Variants in DRG1 observed in about 807,000 individuals in gnomAD.
The protein encoded by DRG1 is developmentally regulated GTP binding protein 1, also known as developmentally-regulated GTP-binding protein 1.
A neutral mutation model predicts 38.8 loss-of-function variants in DRG1; 19 were observed. The observed-to-expected ratio is 0.49, with a 90% CI of 0.34 to 0.72. DRG1 has a LOEUF of 0.72. Among genes scored for constraint, DRG1 ranks in the 30% least tolerant of loss-of-function variants. The probability of loss-of-function intolerance (pLI) is 0.01; values close to 1 mark genes in which losing one functional copy is unlikely to be tolerated. For missense variants in DRG1, 299 were observed against 444.8 expected, an observed-to-expected ratio of 0.67 and a Z score of 2.95; for synonymous variants, 167 against 157.5, an observed-to-expected ratio of 1.06 and a Z score of -0.45.
intron 8 of DRG1, among the ~76,000 whole-genome samples, chr22:31,429,708 A>G (rs2050129354): frequency 1.3e-5 from 2 of 151,438 alleles, no homozygotes; most frequent in South Asian, 4.2e-4. Context: ...GTGCAGTGGC[A>G]CGATCACAGC....
chr22:31,431,025 C>G (rs867375459), intron 8 of DRG1, among the ~76,000 whole-genome samples: 24 of 119,104 alleles, frequency 2.0e-4, no homozygotes, highest in East Asian at 7.9e-4. Context: ...GCCTTCCCCC[C>G]CCCCCCCCGC....
chr22:31,420,756 G>C (rs13053245), intron 5 of DRG1, among the ~76,000 whole-genome samples: 69,533 of 151,772 alleles, frequency 0.46, 16,709 homozygotes, highest in Middle Eastern at 0.57. Context: ...TGCCTACCAC[G>C]GGCCAAGCAT....
intron 6 of DRG1, 118 bp downstream of exon 6, chr22:31,423,528 T>A: frequency 1.9e-6 from 2 of 1,048,316 alleles, no homozygotes; most frequent in Non-Finnish European, 1.3e-6. Context: ...ACTGTCTTTT[T>A]TTTTTTTTTT....
chr22:31,402,979 A>T lies in DRG1; in HGVS notation c.167-50A>T, dbSNP rs538984060. The T allele has an allele frequency of 6.5e-5, 102 of 1,567,818 alleles. No individual in the cohort carries two copies. The South Asian group carries it at 1.2e-3, about 18-fold the overall frequency. On this transcript the variant is annotated intron_variant, in intron 2 of 8. Coordinates refer to ENST00000331457, the MANE Select transcript of DRG1 (RefSeq NM_004147.4). ...ATGTGAAAGAAGTTATATGAGTCTT[A>T]ACACTCTGGGGGATAACTCTCCTCT... is the stretch of plus-strand genomic sequence containing the variant.
At chr22:31,430,635 G>A (rs1383635253) in intron 8 of DRG1, among the ~76,000 whole-genome samples, 2 of 151,964 alleles carry the variant, frequency 1.3e-5, no homozygotes, top group South Asian at 2.1e-4. Flanking sequence ...TCCTGACCTC[G>A]TGATCCGCCC....
Position 31,399,631 on chromosome 22 carries a change from G to C in DRG1, c.-53G>C. ...TAGCGCCTGGTGGCGGTGGCAGTTT[G>C]CCCGCGGGTGTGTGAAGGGAGACAG... is the stretch of plus-strand genomic sequence containing the variant. On this transcript the variant is annotated 5_prime_UTR_variant, in exon 1 of 9. Transcript: ENST00000331457. 1 of 1,613,644 alleles carries C rather than the reference G, an allele frequency of 6.2e-7. No homozygotes were observed. The highest frequency in any genetic ancestry group is 8.5e-7 in the Non-Finnish European group (1 of 1,179,558).
chr22:31,407,240 T>TA (rs376175446), intron 3 of DRG1, among the ~76,000 whole-genome samples: 1 of 152,264 alleles, frequency 6.6e-6, no homozygotes, highest in Non-Finnish European at 1.5e-5. Flanking sequence ...TTAGGGGAGA[T>TA]ACTTCAAGAA....
chr22:31,426,290 G>C (rs946271331), intron 6 of DRG1, among the ~76,000 whole-genome samples: 1 of 152,116 alleles, frequency 6.6e-6, no homozygotes, highest in Non-Finnish European at 1.5e-5. Context: ...ATCTGCAGTT[G>C]GTTGAATTCA....
At chr22:31,404,530 G>A (rs1178248087) in intron 3 of DRG1, among the ~76,000 whole-genome samples, 5 of 151,878 alleles carry the variant, frequency 3.3e-5, no homozygotes, top group Admixed American at 2.0e-4. Flanking sequence ...GTGAGCCACC[G>A]CGCCTGGTCT....
In DRG1 at chr22:31,420,308, G is replaced by A. The variant is rs1232952115; in HGVS notation, c.465G>A (p.Leu155=). Residue 155 remains leucine, a synonymous_variant, in exon 5 of 9, where the codon TTG becomes TTA. Transcript: ENST00000331457. ...TTGTTCTGGATGTCCTGAAACCTTT[G>A]GGACATAAGAAGATAATTGAAAATG... ...ILIVLDVLKP[L]GHKKIIENEL... is the part of the protein sequence containing the mutation. 2 of 1,613,912 alleles carry A rather than the reference G, an allele frequency of 1.2e-6. No individual in the cohort carries two copies. The highest frequency in any genetic ancestry group is 1.7e-5 in the Admixed American group (1 of 59,968).
chr22:31,430,262 A>G (rs1437384000), intron 8 of DRG1, among the ~76,000 whole-genome samples: 1 of 152,166 alleles, frequency 6.6e-6, no homozygotes, highest in Non-Finnish European at 1.5e-5. Flanking sequence ...ATGGATACTA[A>G]TGATGCTTAT....
At chr22:31,411,530 CTTTT>C (rs71319191) in intron 4 of DRG1, among the ~76,000 whole-genome samples, 5 of 129,786 alleles carry the variant, frequency 3.9e-5, no homozygotes, top group African/African-American at 2.8e-5. Context: ...TCTGTCTTTT[CTTTT>C]TTTTTTTTTT....
intron 3 of DRG1, among the ~76,000 whole-genome samples, chr22:31,406,027 C>G (rs528070573): frequency 7.4e-6 from 1 of 136,028 alleles, no homozygotes; most frequent in Non-Finnish European, 1.5e-5. Context: ...TTTTTTGAGA[C>G]GAAGTCTCAT....
chr22:31,400,542 G>A, intron 1 of DRG1, 78 bp from the exon 2 acceptor site: 4 of 1,571,866 alleles, frequency 2.5e-6, no homozygotes, highest in South Asian at 2.2e-5. Context: ...AGTAGGACTT[G>A]GGGAAAAAAA....
At chr22:31,415,828 C>T (rs764783928) in intron 4 of DRG1, among the ~76,000 whole-genome samples, 5 of 152,100 alleles carry the variant, frequency 3.3e-5, no homozygotes, top group Non-Finnish European at 4.4e-5. Flanking sequence ...TTAATTTTCT[C>T]TGTATAATGG....
intron 1 of DRG1, 97 bp downstream of exon 1, chr22:31,399,822 G>A (rs1298471332): frequency 4.4e-6 from 7 of 1,578,204 alleles, no homozygotes; most frequent in Non-Finnish European, 6.1e-6. Context: ...TCAGGACCGG[G>A]CCTAGATTCC....
At chr22:31,425,758 CT>C (rs1453681632) in intron 6 of DRG1, among the ~76,000 whole-genome samples, 2 of 151,914 alleles carry the variant, frequency 1.3e-5, no homozygotes, top group Non-Finnish European at 2.9e-5. Context: ...ATTACTGAGA[CT>C]TTAATAAGTT....
intron 6 of DRG1, among the ~76,000 whole-genome samples, chr22:31,424,226 G>A (rs1176083448): frequency 3.3e-5 from 5 of 151,278 alleles, no homozygotes; most frequent in Non-Finnish European, 7.4e-5. Context: ...TCAGCTCACT[G>A]TAACCTCCTC....
chr22:31,427,199 T>C lies in DRG1; in HGVS notation c.1004+17T>C. ...ATTTAAATAGTAAGTATCATGGGCC[T>C]GTGGTCCCTCCTTTTTCCTATGAGT... On this transcript the variant is annotated intron_variant, in intron 8 of 8. Transcript: ENST00000331457. The C allele has an allele frequency of 6.2e-7, 1 of 1,612,340 alleles. No individual in the cohort carries two copies. Among genetic ancestry groups the C allele is most frequent in the Non-Finnish European group, 8.5e-7 (1 of 1,179,368 alleles).
Sources: gnomAD v4.1 joint callset for allele counts (sites outside exome capture counted in the v4.1 genomes callset) on GRCh38, gnomAD v4.1.1 for gene constraint, MANE v1.5 for transcripts, NCBI Gene and HGNC (gene_info 2026-07-23, HGNC 2026-07-21) for gene names.